The following SNX32 variants were observed in gnomAD, a reference collection of about 807,000 sequenced individuals.
SNX32 encodes sorting nexin 32, also known as sorting nexin-32.
In SNX32, 58 loss-of-function variants were observed where a neutral mutation model predicts 57.0. That is an observed-to-expected ratio of 1.02 (90% CI 0.82 to 1.27). The LOEUF (loss-of-function observed/expected upper bound fraction) is 1.27, where lower values mean the gene tolerates loss of function less well. Among genes scored for constraint, SNX32 ranks in the 50% most tolerant of loss-of-function variants. The probability of loss-of-function intolerance (pLI) is 0.00; values close to 1 mark genes in which losing one functional copy is unlikely to be tolerated. For missense variants in SNX32, 589 were observed against 541.2 expected, an observed-to-expected ratio of 1.09 and a Z score of -0.88; for synonymous variants, 262 against 220.4, an observed-to-expected ratio of 1.19 and a Z score of -1.67.
intron 1 of SNX32, among the ~76,000 whole-genome samples, chr11:65,847,742 T>A (rs1859041577): frequency 6.6e-6 from 1 of 152,024 alleles, no homozygotes; most frequent in South Asian, 2.1e-4. Flanking sequence ...AAACCCCGTG[T>A]CTACTAAAAA....
At chr11:65,839,774 T>C (rs1427397915) in intron 1 of SNX32, among the ~76,000 whole-genome samples, 2 of 148,488 alleles carry the variant, frequency 1.3e-5, no homozygotes, top group Non-Finnish European at 3.0e-5. Context: ...AAGCAATATA[T>C]AAAAGGATAA....
intron 1 of SNX32, among the ~76,000 whole-genome samples, chr11:65,842,919 A>G (rs1485332541): frequency 7.1e-6 from 1 of 140,484 alleles, no homozygotes; most frequent in Non-Finnish European, 1.5e-5. Flanking sequence ...ATTGCACTCC[A>G]GCCTGAGCAA....
At chr11:65,849,706 C>CA in intron 2 of SNX32, 124 bp downstream of exon 2, 1 of 919,070 alleles carries the variant, frequency 1.1e-6, no homozygotes, top group Admixed American at 2.1e-5. Context: ...CACTTGCCCT[C>CA]AGCCCCTCCT....
intron 1 of SNX32, chr11:65,835,372 T>C (rs1858641220): frequency 6.6e-6 from 1 of 152,018 alleles, no homozygotes; most frequent in East Asian, 1.9e-4. Flanking sequence ...GGGCAGGATG[T>C]TAGGGATTGA....
At chr11:65,839,866 C>T (rs1465657699) in intron 1 of SNX32, among the ~76,000 whole-genome samples, 2 of 151,620 alleles carry the variant, frequency 1.3e-5, no homozygotes, top group East Asian at 3.9e-4. Flanking sequence ...AGCATATAAA[C>T]AGATAACAAA....
chr11:65,850,219 G>A lies in SNX32; in HGVS notation c.322G>A (p.Asp108Asn), dbSNP rs1222185012. ...REKLQKLGEG[D>N]SSVTREEFAK... ...AAAGCTACAGAAATTGGGCGAGGGG[G>A]ACAGCTCTGTCACTCGGGAAGAGTT... The change falls in exon 4 of 13, where the codon GAC (aspartate) becomes AAC (asparagine). Residue 108 changes from aspartate (D) to asparagine (N), a missense_variant. Coordinates refer to ENST00000308342, the MANE Select transcript of SNX32 (RefSeq NM_152760.3). 2 of 1,614,248 alleles carry A rather than the reference G, an allele frequency of 1.2e-6. No homozygotes were observed. Among genetic ancestry groups the A allele is most frequent in the Non-Finnish European group, 1.7e-6 (2 of 1,180,042 alleles).
Position 65,851,314 on chromosome 11 carries a change from C to G in SNX32, c.710-14C>G. ...GCAGATGTAGGGGCTCTGATGGGGGCTGTTCCCCAACAGGCCTGGCAGACG... is the reference window on the plus strand; with the variant it reads ...GCAGATGTAGGGGCTCTGATGGGGGGTGTTCCCCAACAGGCCTGGCAGACG... On this transcript the variant is annotated splice_polypyrimidine_tract_variant and intron_variant, in intron 7 of 12. Transcript: ENST00000308342. The G allele has an allele frequency of 1.2e-6, 2 of 1,613,822 alleles. No homozygotes were observed. Among genetic ancestry groups the G allele is most frequent in the Admixed American group, 3.3e-5 (2 of 60,016 alleles).
At chr11:65,841,435 G>A (rs972695923) in intron 1 of SNX32, among the ~76,000 whole-genome samples, 4 of 151,996 alleles carry the variant, frequency 2.6e-5, no homozygotes, top group South Asian at 4.2e-4. Context: ...ATAGGGTTTC[G>A]CCATGTTGCC....
In SNX32 at chr11:65,852,886, C is replaced by G. The variant is rs1050664488; in HGVS notation, c.1086C>G (p.Phe362Leu). The change falls in exon 12 of 13, where the codon TTC (phenylalanine) becomes TTG (leucine). Residue 362 changes from phenylalanine to leucine, a missense_variant. Coordinates refer to ENST00000308342, the MANE Select transcript of SNX32 (RefSeq NM_152760.3). The stretch of plus-strand genomic sequence containing the variant: ...CCTCCTCTCCAGAGCTCATGGACTT[C>G]AAGTCCCGCCGGGTCTCCTCTTTTC... ...SDSAKQELMDFKSRRVSSFRK... is the reference protein window; with the variant it reads ...SDSAKQELMDLKSRRVSSFRK... The G allele has an allele frequency of 2.5e-6, 4 of 1,614,190 alleles. No individual in the cohort carries two copies. Among genetic ancestry groups the G allele is most frequent in the Non-Finnish European group, 3.4e-6 (4 of 1,180,020 alleles).
In SNX32 at chr11:65,850,048, A is replaced by G. The variant is rs1265064624; in HGVS notation, c.252+18A>G. 3 of 1,614,006 alleles carry G rather than the reference A, an allele frequency of 1.9e-6. No homozygotes were observed. Among genetic ancestry groups the G allele is most frequent in the Non-Finnish European group, 2.5e-6 (3 of 1,179,872 alleles). On this transcript the variant is annotated intron_variant, in intron 3 of 12. Coordinates refer to ENST00000308342, the MANE Select transcript of SNX32 (RefSeq NM_152760.3). ...GCCTCATCGTGAGGAGGGGCTGGGC[A>G]GGGGCTGGGAGGGACAGGCAGAGCA... is the stretch of plus-strand genomic sequence containing the variant.
At chr11:65,836,426 C>A (rs1199448893) in intron 1 of SNX32, among the ~76,000 whole-genome samples, 1 of 152,048 alleles carries the variant, frequency 6.6e-6, no homozygotes, top group East Asian at 1.9e-4. Flanking sequence ...CACCTGTAAT[C>A]CCAACTACTT....
chr11:65,852,670 A>C lies in SNX32; in HGVS notation c.953A>C (p.Glu318Ala), dbSNP rs770063297. The C allele has an allele frequency of 6.3e-7, 1 of 1,599,232 alleles. No individual in the cohort carries two copies. Among genetic ancestry groups the C allele is most frequent in the South Asian group, 1.1e-5 (1 of 90,100 alleles). ...YRRLRALADY[E>A]NANKALDKAR... ...CGGCTGCGGGCACTGGCCGACTACG[A>C]GAATGCCAACAAGGCGCTGGACAAG... Residue 318 changes from glutamate (E) to alanine (A), a missense_variant, in exon 11 of 13, where the codon GAG becomes GCG. Coordinates refer to ENST00000308342, the MANE Select transcript of SNX32 (RefSeq NM_152760.3).
At chr11:65,851,558 A>G (rs1476193903) in intron 8 of SNX32, 82 bp from the exon 9 acceptor site, 22 of 1,567,516 alleles carry the variant, frequency 1.4e-5, no homozygotes, top group Non-Finnish European at 1.8e-5. Flanking sequence ...GGAGAGGGAG[A>G]TTCCCAAGGA....
intron 2 of SNX32, 113 bp from the exon 3 acceptor site, chr11:65,849,807 A>G: frequency 1.2e-6 from 1 of 868,884 alleles, no homozygotes; most frequent in South Asian, 1.7e-5. Flanking sequence ...CCTGAGCTCT[A>G]ACTTTGTCCT....
chr11:65,852,825 C>T (rs1342355170), intron 11 of SNX32, 36 bp downstream of exon 11: 2 of 1,612,296 alleles, frequency 1.2e-6, no homozygotes, highest in Non-Finnish European at 1.7e-6. Flanking sequence ...CCTGGGGCCA[C>T]ATGCCCTGCC....
In SNX32 at chr11:65,852,574, C is replaced by T. The variant is rs200391009; in HGVS notation, c.912+23C>T. ...AAGGTGAGAGGCAGCCCCAGCGCAGCGCTCAGGCCCGGATGCCAGGACAGG... is the reference window on the plus strand; with the variant it reads ...AAGGTGAGAGGCAGCCCCAGCGCAGTGCTCAGGCCCGGATGCCAGGACAGG... On this transcript the variant is annotated intron_variant, in intron 10 of 12. Transcript: ENST00000308342. 2.1e-4 allele frequency: 340 copies of T among 1,613,992 alleles called. 1 individual carries two copies. In the African/African-American group the frequency reaches 3.7e-3, roughly 18 times the overall value.
Position 65,833,996 on chromosome 11 carries a change from T to C in SNX32, c.-70T>C, listed in dbSNP as rs1480194931. ...AGAGCATCCTCACTCGGTCAGTTCC[T>C]CGGGCGAGTTACGGGGACGACCTGC... is the stretch of plus-strand genomic sequence containing the variant. On this transcript the variant is annotated 5_prime_UTR_variant, in exon 1 of 13. Coordinates refer to ENST00000308342, the MANE Select transcript of SNX32 (RefSeq NM_152760.3). The C allele has an allele frequency of 6.6e-7, 1 of 1,526,162 alleles. No homozygotes were observed. 94.5% of individuals were successfully genotyped at this position (1,526,162 alleles called of 1,614,324 possible).
chr11:65,840,403 T>C (rs1480700957), intron 1 of SNX32, among the ~76,000 whole-genome samples: 1 of 151,946 alleles, frequency 6.6e-6, no homozygotes, highest in Admixed American at 6.6e-5. Flanking sequence ...GTACTGGAGG[T>C]CTTGGCAAGT....
intron 1 of SNX32, among the ~76,000 whole-genome samples, chr11:65,835,100 G>A (rs922296807): frequency 2.6e-5 from 4 of 151,740 alleles, no homozygotes; most frequent in Non-Finnish European, 5.9e-5. Flanking sequence ...TCGTGTGTCT[G>A]TGTGTGTGTA....
Sources: gnomAD v4.1 joint callset for allele counts (sites outside exome capture counted in the v4.1 genomes callset) on GRCh38, gnomAD v4.1.1 for gene constraint, MANE v1.5 for transcripts, NCBI Gene and HGNC (gene_info 2026-07-23, HGNC 2026-07-21) for gene names.